MRPS27: variants seen among roughly 807,000 people sequenced by gnomAD.
MRPS27 encodes small ribosomal subunit protein mS27.
MRPS27 carries 43 observed loss-of-function variants against 48.9 expected under a neutral mutation model. That is an observed-to-expected ratio of 0.88 (90% confidence interval 0.69 to 1.13). MRPS27 has a LOEUF of 1.13. MRPS27 is among the 50% of genes most tolerant of loss of function. The pLI is 0.00. For missense variants in MRPS27, 467 were observed against 476.3 expected (o/e 0.98, Z 0.18); for synonymous variants, 188 against 171.9 (o/e 1.09, Z -0.73).
intron 2 of MRPS27, among the ~76,000 whole-genome samples, chr5:72,298,037 A>C (rs1273388189): frequency 2.6e-5 from 4 of 152,186 alleles, no homozygotes; most frequent in Non-Finnish European, 2.9e-5. Flanking sequence ...AACAAAAACA[A>C]AAATTGACAA....
intron 4 of MRPS27, among the ~76,000 whole-genome samples, chr5:72,287,547 G>A (rs1749705568): frequency 1.3e-5 from 2 of 152,224 alleles, no homozygotes; most frequent in South Asian, 4.1e-4. Context: ...GCTGAGGCAG[G>A]AGAATTGCTT....
At chr5:72,287,594 G>A (rs1022862615) in intron 4 of MRPS27, among the ~76,000 whole-genome samples, 12 of 152,190 alleles carry the variant, frequency 7.9e-5, no homozygotes, top group Admixed American at 4.6e-4. Context: ...AGCCAAGATC[G>A]TGCTACCGCA....
Position 72,297,681 on chromosome 5 carries a change from T to A in MRPS27, c.173A>T (p.Asp58Val), listed in dbSNP as rs1052305830. 1 of 1,601,628 alleles carries A rather than the reference T, an allele frequency of 6.2e-7. No individual in the cohort carries two copies. The highest frequency in any genetic ancestry group is 1.3e-5 in the African/African-American group (1 of 74,576). ...YCLADLASLMDKTFERKLPVS... is the reference protein window; with the variant it reads ...YCLADLASLMVKTFERKLPVS... ...AGGCAACTTTCTCTCAAATGTTTTA[T>A]CCATTAAAGATGCAAGATCAGCTGT... The change falls in exon 3 of 11, where the codon GAT (aspartate) becomes GTT (valine). Residue 58 changes from aspartate (D) to valine (V), a missense_variant. Coordinates refer to ENST00000261413, the MANE Select transcript of MRPS27 (RefSeq NM_015084.3).
intron 3 of MRPS27, among the ~76,000 whole-genome samples, chr5:72,295,902 C>T (rs1337707976): frequency 6.6e-6 from 1 of 152,178 alleles, no homozygotes. Flanking sequence ...AACTAGTTAC[C>T]TATTTTTTCC....
chr5:72,293,424 A>G (rs1476868083), intron 4 of MRPS27, among the ~76,000 whole-genome samples: 2 of 152,218 alleles, frequency 1.3e-5, no homozygotes, highest in Admixed American at 6.5e-5. Flanking sequence ...GGGATGTCCA[A>G]TTAAACAGTG....
At chr5:72,296,154 T>TC (rs1749973969) in intron 3 of MRPS27, among the ~76,000 whole-genome samples, 2 of 152,100 alleles carry the variant, frequency 1.3e-5, no homozygotes, top group Admixed American at 6.5e-5. Context: ...GTATGCTCAT[T>TC]AACTATGGTC....
At chr5:72,290,551 TTAAG>T (rs1345454313) in intron 4 of MRPS27, among the ~76,000 whole-genome samples, 3 of 152,208 alleles carry the variant, frequency 2.0e-5, no homozygotes, top group Non-Finnish European at 1.5e-5. Flanking sequence ...TGGCTTATAC[TTAAG>T]TCTCTATGTT....
chr5:72,293,859 G>A (rs1749905235), intron 4 of MRPS27, among the ~76,000 whole-genome samples: 1 of 152,098 alleles, frequency 6.6e-6, no homozygotes, highest in African/African-American at 2.4e-5. Context: ...AAAAATATGA[G>A]AACTGGCCAG....
chr5:72,269,128 T>A (rs1015883225), intron 4 of MRPS27, among the ~76,000 whole-genome samples: 1 of 152,206 alleles, frequency 6.6e-6, no homozygotes, highest in African/African-American at 2.4e-5. Context: ...GTTTTCCTTG[T>A]AAAGTGGTTT....
Position 72,302,961 on chromosome 5 carries a change from C to G in MRPS27, c.152-5259G>C, listed in dbSNP as rs144708419. Among the ~76,000 whole-genome samples the G allele has an allele frequency of 7.1e-4, 108 of 152,356 alleles. No homozygotes were observed. The East Asian group carries it at 0.016, about 23-fold the overall frequency. ...AAACTACAAGTCAGCCCTCATGCCT[C>G]TTTGGGGATTTAATCCACTCTTCTT... On this transcript the variant is annotated intron_variant, in intron 2 of 10. Transcript: ENST00000261413.
Position 72,220,648 on chromosome 5 carries a change from A to G in MRPS27, c.*261T>C. On this transcript the variant is annotated 3_prime_UTR_variant, in exon 11 of 11. Coordinates refer to ENST00000261413, the MANE Select transcript of MRPS27 (RefSeq NM_015084.3). ...CATAACTAATCCCTGTGCCCCAGGA[A>G]CTCCATTATGAGCCTCAAGAGTCCT... 1 of 476,468 alleles carries G rather than the reference A, an allele frequency of 2.1e-6. No individual in the cohort carries two copies. Among genetic ancestry groups the G allele is most frequent in the South Asian group, 3.6e-5 (1 of 28,010 alleles). 29.5% of individuals were successfully genotyped at this position (476,468 alleles called of 1,614,324 possible).
intron 9 of MRPS27, among the ~76,000 whole-genome samples, chr5:72,224,389 G>A (rs185505578): frequency 1.3e-5 from 2 of 152,208 alleles, no homozygotes; most frequent in Admixed American, 6.5e-5. Flanking sequence ...CCAAATAAGC[G>A]AGCTACGAAT....
chr5:72,233,653 A>G (rs1013293117), intron 6 of MRPS27, among the ~76,000 whole-genome samples: 2 of 152,092 alleles, frequency 1.3e-5, no homozygotes, highest in Admixed American at 6.6e-5. Context: ...TAGTCATCTA[A>G]TAAGTCAGTA....
At chr5:72,288,679 C>T (rs1319347682) in intron 4 of MRPS27, 3 of 152,176 alleles carry the variant, frequency 2.0e-5, no homozygotes, top group African/African-American at 7.2e-5. Flanking sequence ...AAGAACTAGG[C>T]AATATTAAAG....
At chr5:72,294,205 C>G (rs151160619) in intron 4 of MRPS27, among the ~76,000 whole-genome samples, 123 of 151,758 alleles carry the variant, frequency 8.1e-4, no homozygotes, top group African/African-American at 2.8e-3. Flanking sequence ...AAAAAAAAAG[C>G]CTCATTATTA....
rs537204999 is a variant in MRPS27, at chr5:72,284,610, C to A, written c.281+10921G>T. ...TACAAGAGACAATTCAATGAGAAGT[C>A]ATCCAGGTTTCTTCCCTAAAAGAAA... On this transcript the variant is annotated intron_variant, in intron 4 of 10. Coordinates refer to ENST00000261413, the MANE Select transcript of MRPS27 (RefSeq NM_015084.3). Among the ~76,000 whole-genome samples the A allele has an allele frequency of 3.3e-5, 5 of 152,226 alleles. No homozygotes were observed. In the South Asian group the frequency reaches 1.0e-3, roughly 32 times the overall value.
intron 4 of MRPS27, among the ~76,000 whole-genome samples, chr5:72,272,352 A>G (rs1749271311): frequency 6.6e-6 from 1 of 152,224 alleles, no homozygotes; most frequent in Non-Finnish European, 1.5e-5. Context: ...TGGTAAGAGT[A>G]GCTCATTGTG....
At chr5:72,269,407 T>A (rs536815748) in intron 4 of MRPS27, among the ~76,000 whole-genome samples, 70 of 152,288 alleles carry the variant, frequency 4.6e-4, no homozygotes, top group African/African-American at 1.7e-3. Context: ...CTAATATTTC[T>A]AAAAATTAAT....
chr5:72,285,978 G>A (rs1749661435), intron 4 of MRPS27, among the ~76,000 whole-genome samples: 1 of 152,130 alleles, frequency 6.6e-6, no homozygotes, highest in South Asian at 2.1e-4. Context: ...ACACGAATCC[G>A]TCCTCATTTA....
Sources: gnomAD v4.1 joint callset for allele counts (sites outside exome capture counted in the v4.1 genomes callset) on GRCh38, gnomAD v4.1.1 for gene constraint, MANE v1.5 for transcripts, NCBI Gene and HGNC (gene_info 2026-07-23, HGNC 2026-07-21) for gene names.